The following NXPH1 variants were observed in gnomAD, a reference collection of about 807,000 sequenced individuals.
NXPH1 encodes neurexophilin-1.
NXPH1 carries 5 observed loss-of-function variants against 23.7 expected under a neutral mutation model. The observed-to-expected ratio is 0.21, with a 90% CI of 0.11 to 0.44. NXPH1 has a LOEUF of 0.44. Among genes scored for constraint, NXPH1 ranks in the 20% least tolerant of loss-of-function variants. NXPH1 has a pLI of 0.99. For synonymous variants in NXPH1, 144 were observed against 122.2 expected (o/e 1.18, Z -1.18); for missense variants, 324 against 321.6 (o/e 1.01, Z -0.06).
intron 2 of NXPH1, among the ~76,000 whole-genome samples, chr7:8,694,992 T>C (rs1366582147): frequency 6.6e-6 from 1 of 152,090 alleles, no homozygotes; most frequent in African/African-American, 2.4e-5. Context: ...TATTAGAGGG[T>C]TTAGACTTTT....
chr7:8,443,829 C>T (rs1584158015), intron 2 of NXPH1, among the ~76,000 whole-genome samples: 2 of 152,204 alleles, frequency 1.3e-5, no homozygotes, highest in South Asian at 4.2e-4. Flanking sequence ...GGGGGAGTTT[C>T]TCTTTACTTA....
intron 2 of NXPH1, among the ~76,000 whole-genome samples, chr7:8,605,184 T>A (rs190734317): frequency 1.3e-5 from 2 of 152,096 alleles, no homozygotes; most frequent in African/African-American, 4.8e-5. Context: ...AAATGAAAGG[T>A]GATATAAAAA....
chr7:8,554,480 T>C (rs1351971096), intron 2 of NXPH1, among the ~76,000 whole-genome samples: 2 of 151,648 alleles, frequency 1.3e-5, no homozygotes. Context: ...AGTGGGTAAA[T>C]GAGCTGCAGT....
At chr7:8,555,158 G>A (rs1043463005) in intron 2 of NXPH1, among the ~76,000 whole-genome samples, 4 of 151,674 alleles carry the variant, frequency 2.6e-5, no homozygotes, top group Non-Finnish European at 1.5e-5. Context: ...CTAATGGTCA[G>A]GAGTGAATAC....
chr7:8,688,310 A>G (rs951496922), intron 2 of NXPH1, among the ~76,000 whole-genome samples: 4 of 152,190 alleles, frequency 2.6e-5, no homozygotes, highest in Non-Finnish European at 5.9e-5. Context: ...GATTCATTAT[A>G]CATTATAAAT....
chr7:8,710,764 G>A (rs987140483), intron 2 of NXPH1, among the ~76,000 whole-genome samples: 2 of 126,568 alleles, frequency 1.6e-5, no homozygotes, highest in African/African-American at 3.4e-5. Flanking sequence ...CCGGGTTCAC[G>A]CCATTCTCCT....
At chr7:8,587,887 G>A (rs965085471) in intron 2 of NXPH1, among the ~76,000 whole-genome samples, 1 of 152,020 alleles carries the variant, frequency 6.6e-6, no homozygotes, top group Non-Finnish European at 1.5e-5. Flanking sequence ...GTCTATCATT[G>A]ATGGGCATTT....
chr7:8,625,342 G>T (rs765903198), intron 2 of NXPH1, among the ~76,000 whole-genome samples: 3 of 152,064 alleles, frequency 2.0e-5, no homozygotes, highest in Non-Finnish European at 4.4e-5. Context: ...GCAATTTCTG[G>T]TAGGAAGTTA....
intron 2 of NXPH1, among the ~76,000 whole-genome samples, chr7:8,686,827 T>G (rs1242525172): frequency 1.3e-5 from 2 of 152,170 alleles, no homozygotes; most frequent in East Asian, 3.9e-4. Context: ...ACTGTTGTCA[T>G]TGTTGTCATT....
intron 2 of NXPH1, among the ~76,000 whole-genome samples, chr7:8,656,940 C>T (rs1416087071): frequency 6.6e-6 from 1 of 152,178 alleles, no homozygotes; most frequent in East Asian, 1.9e-4. Flanking sequence ...CATGAATTTA[C>T]AATTCTTCAG....
intron 2 of NXPH1, among the ~76,000 whole-genome samples, chr7:8,581,361 G>A (rs1818867789): frequency 6.6e-6 from 1 of 152,126 alleles, no homozygotes; most frequent in African/African-American, 2.4e-5. Context: ...CCATGGCTAG[G>A]GTGGCTTCGG....
chr7:8,603,194 T>C (rs1002862340), intron 2 of NXPH1, among the ~76,000 whole-genome samples: 6 of 152,196 alleles, frequency 3.9e-5, no homozygotes, highest in African/African-American at 9.6e-5. Context: ...GAATTGTTAT[T>C]GACTGTAAGT....
chr7:8,506,655 T>A (rs531693762), intron 2 of NXPH1, among the ~76,000 whole-genome samples: 1 of 152,012 alleles, frequency 6.6e-6, no homozygotes, highest in Non-Finnish European at 1.5e-5. Context: ...GGATCCTGTT[T>A]AAGGAAGTCA....
At chr7:8,673,137 G>A (rs1324978176) in intron 2 of NXPH1, among the ~76,000 whole-genome samples, 1 of 152,092 alleles carries the variant, frequency 6.6e-6, no homozygotes, top group Non-Finnish European at 1.5e-5. Flanking sequence ...CATATGGCCT[G>A]TCAAAATACC....
chr7:8,569,362 A>G (rs1818606086), intron 2 of NXPH1, among the ~76,000 whole-genome samples: 1 of 151,962 alleles, frequency 6.6e-6, no homozygotes, highest in African/African-American at 2.4e-5. Context: ...AAATATGACT[A>G]TAAAAGAATA....
At chr7:8,623,216 G>A (rs943604270) in intron 2 of NXPH1, among the ~76,000 whole-genome samples, 1 of 152,114 alleles carries the variant, frequency 6.6e-6, no homozygotes, top group Non-Finnish European at 1.5e-5. Flanking sequence ...CAGAGGAGTG[G>A]AGACAGGGAA....
At chr7:8,450,769 T>C (rs1408024706) in intron 2 of NXPH1, among the ~76,000 whole-genome samples, 1 of 152,234 alleles carries the variant, frequency 6.6e-6, no homozygotes, top group East Asian at 1.9e-4. Context: ...GTAAATGGTA[T>C]ACATGAAGGT....
intron 2 of NXPH1, among the ~76,000 whole-genome samples, chr7:8,663,084 C>G (rs1403433503): frequency 6.6e-6 from 1 of 152,004 alleles, no homozygotes; most frequent in South Asian, 2.1e-4. Flanking sequence ...GGATTGATGA[C>G]AAAGTCAGAG....
intron 2 of NXPH1, among the ~76,000 whole-genome samples, chr7:8,499,764 C>T (rs1584195333): frequency 6.6e-6 from 1 of 152,064 alleles, no homozygotes; most frequent in South Asian, 2.1e-4. Flanking sequence ...GAGGCCTTTA[C>T]TGCATGCCAT....
Sources: gnomAD v4.1 joint callset for allele counts (sites outside exome capture counted in the v4.1 genomes callset) on GRCh38, gnomAD v4.1.1 for gene constraint, MANE v1.5 for transcripts, NCBI Gene and HGNC (gene_info 2026-07-23, HGNC 2026-07-21) for gene names.